The following LOC102723971 variants were observed in gnomAD, a reference collection of about 807,000 sequenced individuals.
At chr9:135,616,513 C>T in the LOC102723971 span, 1 of 398,048 alleles carries the variant, frequency 2.5e-6, no homozygotes, top group Non-Finnish European at 4.4e-6. Context: ...CTGAGAGGGC[C>T]ACCACGTCCT....
chr9:135,617,239 G>T, the LOC102723971 span, among the ~76,000 whole-genome samples: 1 of 152,230 alleles, frequency 6.6e-6, no homozygotes, highest in Non-Finnish European at 1.5e-5. Context: ...CCCCATGCAG[G>T]ACGTGCACTG....
At chr9:135,617,180 G>A in the LOC102723971 span, among the ~76,000 whole-genome samples, 10 of 152,294 alleles carry the variant, frequency 6.6e-5, no homozygotes, top group East Asian at 1.7e-3. Flanking sequence ...GCCTTGGGCC[G>A]AGACGCAGCT....
At chr9:135,615,015 G>A in the LOC102723971 span, among the ~76,000 whole-genome samples, 1 of 152,212 alleles carries the variant, frequency 6.6e-6, no homozygotes, top group Non-Finnish European at 1.5e-5. Flanking sequence ...CAAGAAGTAA[G>A]CACAGCTTAT....
the LOC102723971 span, chr9:135,617,917 C>T: frequency 7.5e-6 from 3 of 398,536 alleles, no homozygotes; most frequent in Admixed American, 4.4e-5. Flanking sequence ...CTCCAGGCCT[C>T]AGCCCCTCAC....
the LOC102723971 span, among the ~76,000 whole-genome samples, chr9:135,615,980 C>T: frequency 6.6e-6 from 1 of 152,366 alleles, no homozygotes; most frequent in South Asian, 2.1e-4. Context: ...GTTATTCCGC[C>T]TGCACCCACA....
chr9:135,618,138 G>C, the LOC102723971 span: 1 of 397,252 alleles, frequency 2.5e-6, no homozygotes, highest in African/African-American at 2.1e-5. Context: ...CACTGAGGGT[G>C]TAGCCCATCC....
the LOC102723971 span, chr9:135,614,382 G>T: frequency 2.5e-6 from 1 of 398,426 alleles, no homozygotes; most frequent in Non-Finnish European, 4.4e-6. Flanking sequence ...CCCAGACTCA[G>T]GCCTGGAACA....
At chr9:135,619,773 G>A in the LOC102723971 span, among the ~76,000 whole-genome samples, 3 of 151,950 alleles carry the variant, frequency 2.0e-5, no homozygotes, top group Admixed American at 1.3e-4. Flanking sequence ...TTGGGTCAGG[G>A]ACTCAATACT....
chr9:135,616,085 AC>A, the LOC102723971 span, among the ~76,000 whole-genome samples: 1 of 152,100 alleles, frequency 6.6e-6, no homozygotes, highest in South Asian at 2.1e-4. Context: ...GTGGGCACCC[AC>A]CCCAAATGAG....
chr9:135,614,227 C>A, the LOC102723971 span: 7 of 398,580 alleles, frequency 1.8e-5, no homozygotes, highest in African/African-American at 1.2e-4. Context: ...GACGCTCCCC[C>A]TTCCCCGGAG....
At chr9:135,617,540 G>A in the LOC102723971 span, among the ~76,000 whole-genome samples, 3 of 152,156 alleles carry the variant, frequency 2.0e-5, no homozygotes, top group Admixed American at 6.5e-5. Flanking sequence ...AGGATGGGGT[G>A]GGGGAGCGGG....
At chr9:135,619,178 G>A in the LOC102723971 span, among the ~76,000 whole-genome samples, 43 of 152,248 alleles carry the variant, frequency 2.8e-4, no homozygotes, top group East Asian at 8.1e-3. Context: ...CCCTCTGTGC[G>A]TCTCCAGGTC....
At chr9:135,614,269 G>T in the LOC102723971 span, 1 of 398,756 alleles carries the variant, frequency 2.5e-6, no homozygotes, top group Non-Finnish European at 4.4e-6. Context: ...CGCTCCTGCT[G>T]CTGGCCCTTG....
chr9:135,614,608 G>A, the LOC102723971 span, among the ~76,000 whole-genome samples: 5 of 152,184 alleles, frequency 3.3e-5, no homozygotes, highest in Non-Finnish European at 7.4e-5. Context: ...GGAAGCTACA[G>A]CACAACAGCA....
At chr9:135,617,934 C>G in the LOC102723971 span, 2 of 398,658 alleles carry the variant, frequency 5.0e-6, no homozygotes, top group Non-Finnish European at 8.8e-6. Context: ...TCACTGTCAG[C>G]CCCTCTGATT....
chr9:135,617,788 G>A, the LOC102723971 span, among the ~76,000 whole-genome samples: 7 of 152,198 alleles, frequency 4.6e-5, no homozygotes, highest in Admixed American at 6.5e-5. Flanking sequence ...GGGTGCTGCC[G>A]TGGTCCGAAG....
chr9:135,617,203 C>T, the LOC102723971 span, among the ~76,000 whole-genome samples: 2 of 152,176 alleles, frequency 1.3e-5, no homozygotes, highest in Admixed American at 6.5e-5. Context: ...GCTCTTCCTC[C>T]GACACATGCC....
At chr9:135,615,319 G>A in the LOC102723971 span, 11 of 396,908 alleles carry the variant, frequency 2.8e-5, no homozygotes, top group Middle Eastern at 1.2e-3. Context: ...CCACACAGCC[G>A]GGCGCTAGCT....
chr9:135,614,624 CAGG>C, the LOC102723971 span, among the ~76,000 whole-genome samples: 1 of 152,158 alleles, frequency 6.6e-6, no homozygotes, highest in Non-Finnish European at 1.5e-5. Context: ...CAGCAGGTCG[CAGG>C]AGAAGGCTGC....
Sources: allele counts gnomAD v4.1 joint callset (sites outside exome capture counted in the v4.1 genomes callset), GRCh38; gene constraint gnomAD v4.1.1; transcripts MANE v1.5.